Variants in EIPR1 observed in about 807,000 individuals in gnomAD.
EIPR1 encodes EARP complex and GARP complex interacting protein 1.
A neutral mutation model predicts 48.1 loss-of-function variants in EIPR1; 25 were observed. The observed-to-expected ratio is 0.52, with a 90% CI of 0.38 to 0.73. EIPR1 has a LOEUF of 0.73. EIPR1 is among the 30% of genes least tolerant of loss of function. The pLI, the probability that EIPR1 is intolerant of heterozygous loss-of-function variation, is 0.00. For synonymous variants in EIPR1, 204 were observed against 201.9 expected (o/e 1.01, Z -0.09); for missense variants, 415 against 506.2 (o/e 0.82, Z 1.73).
At chr2:3,328,015 G>C (rs114097937) in intron 3 of EIPR1, among the ~76,000 whole-genome samples, 12 of 152,068 alleles carry the variant, frequency 7.9e-5, no homozygotes, top group Admixed American at 6.6e-5. Flanking sequence ...CATTTCTAAG[G>C]GTAAAAAAGA....
At chr2:3,371,263 G>A (rs1473556000) in intron 1 of EIPR1, among the ~76,000 whole-genome samples, 4 of 152,262 alleles carry the variant, frequency 2.6e-5, no homozygotes, top group African/African-American at 4.8e-5. Context: ...AGGCATAACC[G>A]TACCAGCCGC....
At chr2:3,274,417 A>C in intron 3 of EIPR1, 1 of 1,550,534 alleles carries the variant, frequency 6.4e-7, no homozygotes, top group Non-Finnish European at 8.7e-7. Context: ...ACACAACAAA[A>C]TGCTAGAAAA....
intron 4 of EIPR1, among the ~76,000 whole-genome samples, chr2:3,231,848 TAAAATAAGTTTGG>T (rs1405583235): frequency 1.3e-5 from 2 of 152,256 alleles, no homozygotes; most frequent in African/African-American, 4.8e-5. Context: ...GCTGGTCTCA[TAAAATAAGTTTGG>T]AAGTGTTCCC....
chr2:3,196,817 C>T (rs1357743364), intron 6 of EIPR1, 64 bp downstream of exon 6: 1 of 1,581,600 alleles, frequency 6.3e-7, no homozygotes, highest in South Asian at 1.2e-5. Flanking sequence ...GCTCCACCAT[C>T]ATCCCGGTTC....
At chr2:3,297,513 G>A (rs375394192) in intron 3 of EIPR1, among the ~76,000 whole-genome samples, 51 of 152,340 alleles carry the variant, frequency 3.3e-4, no homozygotes, top group African/African-American at 1.2e-3. Context: ...TGAGCTACGA[G>A]GTTCTACCTC....
chr2:3,355,281 T>C (rs1226543391), intron 1 of EIPR1, among the ~76,000 whole-genome samples: 3 of 152,164 alleles, frequency 2.0e-5, no homozygotes, highest in African/African-American at 4.8e-5. Flanking sequence ...AGGGCCCACC[T>C]GGGAGAAGAG....
rs114015219 is a variant in EIPR1, at chr2:3,197,192, C to T, written c.517-175G>A. On this transcript the variant is annotated intron_variant, in intron 5 of 8. Coordinates refer to ENST00000382125, the MANE Select transcript of EIPR1 (RefSeq NM_003310.5). ...CCTTAAATGGCAAAAATGAACCTTA[C>T]TTGGGGAAATCTATAAAACTGAGCA... Among the ~76,000 whole-genome samples, 687 of 152,324 alleles carry T rather than the reference C, an allele frequency of 4.5e-3. 6 individuals are homozygous for T. The highest frequency in any genetic ancestry group is 0.016 in the African/African-American group (662 of 41,578).
At position 3,189,831 on chromosome 2, in the gene EIPR1, T is replaced by C. The variant is rs563448155; in HGVS notation, c.990-323A>G. Among the ~76,000 whole-genome samples the C allele has an allele frequency of 6.6e-6, 1 of 152,214 alleles. No individual in the cohort carries two copies. Among genetic ancestry groups the C allele is most frequent in the African/African-American group, 2.4e-5 (1 of 41,522 alleles). Reference sequence around the variant, plus strand: ...GCCTGGGTTGATATTTTGTTGGAGGTCTTCCAAGGGCTTCCTTTAGCTCAG... The same window carrying C: ...GCCTGGGTTGATATTTTGTTGGAGGCCTTCCAAGGGCTTCCTTTAGCTCAG... On this transcript the variant is annotated intron_variant, in intron 8 of 8. Coordinates refer to ENST00000382125, the MANE Select transcript of EIPR1 (RefSeq NM_003310.5). The surrounding 1 kb of genome is among the most constrained non-coding windows in gnomAD (Gnocchi z 4.6).
At chr2:3,308,537 G>A (rs1029821202) in intron 3 of EIPR1, among the ~76,000 whole-genome samples, 4 of 152,272 alleles carry the variant, frequency 2.6e-5, no homozygotes, top group African/African-American at 4.8e-5. Flanking sequence ...TCAGGAATGC[G>A]GGACAATAGC....
intron 4 of EIPR1, among the ~76,000 whole-genome samples, chr2:3,229,855 C>G (rs1490176271): frequency 2.0e-5 from 3 of 152,224 alleles, no homozygotes; most frequent in Non-Finnish European, 2.9e-5. Flanking sequence ...GGGTACTCTT[C>G]TGTTTCACAC....
chr2:3,200,710 G>A (rs1015389947), intron 5 of EIPR1, among the ~76,000 whole-genome samples: 7 of 152,062 alleles, frequency 4.6e-5, no homozygotes, highest in African/African-American at 1.4e-4. Context: ...GTGTGAGCAC[G>A]GCAGGATTAA....
intron 5 of EIPR1, among the ~76,000 whole-genome samples, chr2:3,200,097 A>G (rs1664975337): frequency 2.0e-5 from 3 of 152,084 alleles, no homozygotes; most frequent in African/African-American, 7.2e-5. Context: ...TGGGAGAAGA[A>G]TAGCCATGGT....
chr2:3,307,246 GC>G (rs1330055578), intron 3 of EIPR1, among the ~76,000 whole-genome samples: 1 of 152,162 alleles, frequency 6.6e-6, no homozygotes, highest in Non-Finnish European at 1.5e-5. Context: ...ACAGGTGTGA[GC>G]CACTGTGCCC....
intron 4 of EIPR1, among the ~76,000 whole-genome samples, chr2:3,215,566 T>C (rs1193023325): frequency 6.6e-6 from 1 of 152,264 alleles, no homozygotes; most frequent in Non-Finnish European, 1.5e-5. Flanking sequence ...TTTTTCAACA[T>C]GGTCGCAAAT....
intron 5 of EIPR1, chr2:3,208,499 G>A: frequency 6.5e-7 from 1 of 1,530,842 alleles, no homozygotes; most frequent in South Asian, 1.2e-5. Flanking sequence ...CCAATTATAT[G>A]ATGAGGAGGT....
At chr2:3,215,388 C>G (rs1665596938) in intron 4 of EIPR1, among the ~76,000 whole-genome samples, 2 of 152,324 alleles carry the variant, frequency 1.3e-5, no homozygotes, top group South Asian at 4.1e-4. Context: ...CCGGCCACAC[C>G]AGGCTCAGGG....
At chr2:3,275,042 A>G (rs1039840312) in intron 3 of EIPR1, among the ~76,000 whole-genome samples, 6 of 152,188 alleles carry the variant, frequency 3.9e-5, no homozygotes, top group Non-Finnish European at 8.8e-5. Flanking sequence ...GTACCAAAAA[A>G]AAAGTATAAA....
At position 3,338,033 on chromosome 2, in the gene EIPR1, C is replaced by T. The variant is rs543868199; in HGVS notation, c.243G>A (p.Thr81=). The T allele has an allele frequency of 8.7e-5, 139 of 1,602,324 alleles. 1 individual carries two copies. In the East Asian group the frequency reaches 1.6e-3, roughly 18 times the overall value. The change falls in exon 3 of 9, where the codon ACG becomes ACA. Residue 81 remains threonine, a synonymous_variant. Coordinates refer to ENST00000382125, the MANE Select transcript of EIPR1 (RefSeq NM_003310.5). Reference sequence around the variant, plus strand: ...CGCACTTACTTCTGTTGTAGCAGGTCGTCAGCACACCTCTGTCTGCAGGGC... The same window carrying T: ...CGCACTTACTTCTGTTGTAGCAGGTTGTCAGCACACCTCTGTCTGCAGGGC... ...SASPADRGVL[T]TCYNRTSDSK...
intron 5 of EIPR1, among the ~76,000 whole-genome samples, chr2:3,201,530 A>C (rs1265204866): frequency 6.6e-6 from 1 of 152,200 alleles, no homozygotes; most frequent in Non-Finnish European, 1.5e-5. Flanking sequence ...ACCCAGACAC[A>C]GAGCGGGGGC....
Sources: allele counts gnomAD v4.1 joint callset (sites outside exome capture counted in the v4.1 genomes callset), GRCh38; gene constraint gnomAD v4.1.1; non-coding constraint Gnocchi (gnomAD v3.1); transcripts MANE v1.5; gene names NCBI Gene and HGNC (gene_info 2026-07-23, HGNC 2026-07-21).